Variants in MAST3 observed in about 807,000 individuals in gnomAD.
The protein encoded by MAST3 is microtubule associated serine/threonine kinase 3.
Under a neutral mutation model 127.0 loss-of-function variants are expected in MAST3, and 43 were observed. That is an observed-to-expected ratio of 0.34 (90% CI 0.27 to 0.44). The LOEUF is 0.44. MAST3 is among the 20% of genes least tolerant of loss of function. The probability of loss-of-function intolerance (pLI) is 1.00; values close to 1 mark genes in which losing one functional copy is unlikely to be tolerated. For missense variants in MAST3, 1,390 were observed against 1,919.1 expected, an observed-to-expected ratio of 0.72 and a Z score of 5.15; for synonymous variants, 785 against 809.2, an observed-to-expected ratio of 0.97 and a Z score of 0.51.
Position 18,098,268 on chromosome 19 carries a change from C to G in MAST3, c.39+437C>G, listed in dbSNP as rs765717103. Among the ~76,000 whole-genome samples, 3 of 152,270 alleles carry G rather than the reference C, an allele frequency of 2.0e-5. No homozygotes were observed. In the South Asian group the frequency reaches 6.2e-4, roughly 32 times the overall value. On this transcript the variant is annotated intron_variant, in intron 1 of 27. Transcript: ENST00000687212. The stretch of plus-strand genomic sequence containing the variant: ...GTACACCCTCAGCTCAGCCCTACGA[C>G]GACCTGGGGAGGTTGGGGCTGTCAG...
At position 18,146,933 on chromosome 19, in the gene MAST3, AG is replaced by A; in HGVS notation, c.3217del (p.Val1073TrpfsTer32). 2 of 1,558,694 alleles carry A rather than the reference AG, an allele frequency of 1.3e-6. No individual in the cohort carries two copies. Among genetic ancestry groups the A allele is most frequent in the Non-Finnish European group, 1.7e-6 (2 of 1,151,086 alleles). On this transcript the variant is annotated frameshift_variant, in exon 26 of 28. Coordinates refer to ENST00000687212, the MANE Select transcript of MAST3 (RefSeq NM_001393504.1). LOFTEE classifies it high-confidence loss of function. ...ACAGCCCTGGAGAACACCTCCATCA[AG>A]GTGGGCCCCGCCCGGAAGAATGTGG... ...RTTALENTSI[K>X]VGPARKNVAK...
intron 3 of MAST3, among the ~76,000 whole-genome samples, chr19:18,117,391 C>T (rs1333173202): frequency 1.3e-5 from 2 of 152,154 alleles, no homozygotes; most frequent in Non-Finnish European, 2.9e-5. Flanking sequence ...TGCTTCCTAA[C>T]TGAGGCAGGG....
chr19:18,144,468 G>A lies in MAST3; in HGVS notation c.2587G>A (p.Asp863Asn), dbSNP rs752931627. ...VMPKPSSLSA[D>N]TAALSHARLR... Reference sequence around the variant, plus strand: ...AGCTGACCCTGCTGACCCTCTAGCCGACACAGCTGCTCTCAGCCACGCCCG... The same window carrying A: ...AGCTGACCCTGCTGACCCTCTAGCCAACACAGCTGCTCTCAGCCACGCCCG... Residue 863 changes from aspartate to asparagine, a missense_variant and splice_region_variant, in exon 23 of 28, where the codon GAC (aspartate) becomes AAC (asparagine). Coordinates refer to ENST00000687212, the MANE Select transcript of MAST3 (RefSeq NM_001393504.1). This position sits in a 1 kb window ranked among gnomAD's most constrained non-coding sequence, Gnocchi z 4.0. 2.9e-5 allele frequency: 45 copies of A among 1,561,982 alleles called. No individual in the cohort carries two copies. The highest frequency in any genetic ancestry group is 3.8e-5 in the Admixed American group (2 of 52,180).
intron 1 of MAST3, among the ~76,000 whole-genome samples, chr19:18,102,915 C>G (rs1277166128): frequency 6.6e-6 from 1 of 152,214 alleles, no homozygotes; most frequent in African/African-American, 2.4e-5. Context: ...TGTGCTATGT[C>G]TTCTCCAAAA....
At position 18,144,615 on chromosome 19, in the gene MAST3, G is replaced by A. The variant is rs369960905; in HGVS notation, c.2734G>A (p.Gly912Ser). The A allele has an allele frequency of 3.2e-5, 52 of 1,611,528 alleles. 1 individual carries two copies. Among genetic ancestry groups the A allele is most frequent in the African/African-American group, 2.3e-4 (17 of 74,936 alleles). ...APEKSRASSS[G>S]GSGGGSGGRV... ...TGAGAAGTCCAGAGCCTCCTCCAGC[G>A]GTGGCAGTGGTGGCGGCAGTGGGGG... is the stretch of plus-strand genomic sequence containing the variant. The change falls in exon 23 of 28, where the codon GGT becomes AGT. Residue 912 changes from glycine to serine, a missense_variant. By Grantham distance (56) the Gly-to-Ser change is moderately conservative (BLOSUM62 0). Around this residue, in one of 5 missense-constraint regions of MAST3, gnomAD observed 816 missense variants for 934.1 expected, o/e 0.87. Transcript: ENST00000687212. The surrounding 1 kb of genome is among the most constrained non-coding windows in gnomAD (Gnocchi z 4.0).
rs562540301 is a variant in MAST3, at chr19:18,145,851, G to C, written c.3148G>C (p.Glu1050Gln). Reference sequence around the variant, plus strand: ...GGGGCTGGTGCACATGGACGTCGTGGAGCTGCTGCTGAAGGTGCGGCACCC... The same window carrying C: ...GGGGCTGGTGCACATGGACGTCGTGCAGCTGCTGCTGAAGGTGCGGCACCC... ...VLGLVHMDVV[E>Q]LLLKSGNKIS... The change falls in exon 25 of 28, where the codon GAG (glutamate) becomes CAG (glutamine). Residue 1050 changes from glutamate to glutamine, a missense_variant. Physicochemically the swap from Glu to Gln is conservative, Grantham distance 29. Coordinates refer to ENST00000687212, the MANE Select transcript of MAST3 (RefSeq NM_001393504.1). This position sits in a 1 kb window ranked among gnomAD's most constrained non-coding sequence, Gnocchi z 5.9. 7 of 1,596,650 alleles carry C rather than the reference G, an allele frequency of 4.4e-6. No individual in the cohort carries two copies. In the African/African-American group the frequency reaches 9.5e-5, roughly 22 times the overall value.
intron 1 of MAST3, among the ~76,000 whole-genome samples, chr19:18,103,295 T>G (rs926305063): frequency 2.0e-5 from 3 of 152,128 alleles, no homozygotes; most frequent in African/African-American, 7.2e-5. Flanking sequence ...TCCAGCGTTT[T>G]GGGAGGCCGA....
chr19:18,126,116 G>A (rs1436680621), intron 11 of MAST3, among the ~76,000 whole-genome samples: 2 of 152,096 alleles, frequency 1.3e-5, no homozygotes, highest in African/African-American at 4.8e-5. Flanking sequence ...CAGCTACTCA[G>A]GAGGCTAAGG....
Position 18,123,237 on chromosome 19 carries a change from A to T in MAST3, c.420A>T (p.Glu140Asp). The part of the protein sequence containing the change: ...STLSSSSSSR[E>D]RLHQLPFQPT... The stretch of plus-strand genomic sequence containing the variant: ...ACCAGTCAAGCTCATCCTCCCGGGA[A>T]CGTCTCCACCAGCTTCCCTTCCAGC... Residue 140 changes from glutamate to aspartate, a missense_variant, in exon 7 of 28, where the codon GAA becomes GAT. Glu to Asp is a conservative substitution (Grantham distance 45). Around this residue, in one of 5 missense-constraint regions of MAST3, gnomAD observed 45 missense variants for 113.0 expected, o/e 0.40. Transcript: ENST00000687212. The T allele has an allele frequency of 6.2e-7, 1 of 1,613,802 alleles. No homozygotes were observed. Among genetic ancestry groups the T allele is most frequent in the African/African-American group, 1.3e-5 (1 of 75,026 alleles).
intron 2 of MAST3, among the ~76,000 whole-genome samples, chr19:18,109,793 C>G (rs1021586105): frequency 5.9e-5 from 9 of 152,134 alleles, no homozygotes; most frequent in African/African-American, 1.9e-4. Flanking sequence ...TGCGGAGACC[C>G]GAGCGGGTTA....
chr19:18,128,434 G>A lies in MAST3; in HGVS notation c.1113G>A (p.Gln371=). The A allele has an allele frequency of 6.4e-7, 1 of 1,557,270 alleles. No homozygotes were observed. Among genetic ancestry groups the A allele is most frequent in the East Asian group, 2.4e-5 (1 of 41,318 alleles). Residue 371 remains glutamine, a synonymous_variant, in exon 12 of 28, where the codon CAG becomes CAA. Transcript: ENST00000687212. The part of the protein sequence containing the change: ...MVPLSHLEEE[Q]PPAPESPESR... ...CACTGAGTCACCTCGAAGAAGAACA[G>A]CCCCCAGCACCTGAGTCCCCAGAGG...
intron 20 of MAST3, among the ~76,000 whole-genome samples, chr19:18,140,247 G>A (rs1275472832): frequency 6.7e-6 from 1 of 150,230 alleles, no homozygotes; most frequent in African/African-American, 2.4e-5. Context: ...AGGCGGTGGT[G>A]GGTGCCTGTA....
intron 11 of MAST3, among the ~76,000 whole-genome samples, chr19:18,126,171 A>C (rs1424579031): frequency 1.2e-4 from 19 of 152,008 alleles, no homozygotes; most frequent in Admixed American, 7.9e-4. Flanking sequence ...GCAGTGAGCT[A>C]TGATCACACC....
At position 18,149,376 on chromosome 19, in the gene MAST3, A is replaced by G; in HGVS notation, c.3694A>G (p.Ile1232Val). The change falls in exon 28 of 28, where the codon ATC becomes GTC. Residue 1232 changes from isoleucine (I) to valine (V), a missense_variant. Transcript: ENST00000687212. This position sits in a 1 kb window ranked among gnomAD's most constrained non-coding sequence, Gnocchi z 5.9. ...IPPSPLACPPISAPPPRSPSP... is the reference protein window; with the variant it reads ...IPPSPLACPPVSAPPPRSPSP... ...GCCCTCCCCGCTGGCCTGCCCGCCC[A>G]TCTCCGCGCCCCCACCCCGCTCGCC... 2.1e-6 allele frequency: 3 copies of G among 1,451,164 alleles called. No individual in the cohort carries two copies. The highest frequency in any genetic ancestry group is 2.7e-6 in the Non-Finnish European group (3 of 1,091,892). The allele number at this position is 1,451,164 out of a possible 1,614,324, so 89.9% of individuals were successfully genotyped here.
intron 6 of MAST3, 80 bp downstream of exon 6, chr19:18,122,831 G>A: frequency 7.0e-7 from 1 of 1,426,780 alleles, no homozygotes. Flanking sequence ...TTTTTTTCAA[G>A]GTGTTGGATA....
At chr19:18,123,797 C>T (rs1314576481) in intron 8 of MAST3, 142 bp downstream of exon 8, 12 of 1,069,314 alleles carry the variant, frequency 1.1e-5, no homozygotes, top group East Asian at 2.6e-5. Context: ...TGAAAGATGT[C>T]GTTCCTCCTG....
At chr19:18,100,128 C>CTCTCTTTTTTTTTTTTT in intron 1 of MAST3, among the ~76,000 whole-genome samples, 1 of 121,720 alleles carries the variant, frequency 8.2e-6, no homozygotes, top group Non-Finnish European at 1.8e-5. Context: ...CTCTCTCTCT[C>CTCTCTTTTTTTTTTTTT]TTTTTTTTTT....
In MAST3 at chr19:18,146,884, G is replaced by T; in HGVS notation, c.3166G>T (p.Gly1056Cys). 1 of 1,552,246 alleles carries T rather than the reference G, an allele frequency of 6.4e-7. No individual in the cohort carries two copies. Among genetic ancestry groups the T allele is most frequent in the South Asian group, 1.2e-5 (1 of 84,108 alleles). Residue 1056 changes from glycine (G) to cysteine (C), a missense_variant, in exon 26 of 28, where the codon GGC becomes TGC. By Grantham distance (159) the Gly-to-Cys change is radical. This residue lies in a region of MAST3 where 816 missense variants were observed against 934.1 expected (regional missense o/e 0.87). Coordinates refer to ENST00000687212, the MANE Select transcript of MAST3 (RefSeq NM_001393504.1). ...MDVVELLLKSGNKISLRTTAL... is the reference protein window; with the variant it reads ...MDVVELLLKSCNKISLRTTAL... ...CCCCTCACCATCCCTCCCGCAGAGC[G>T]GCAACAAGATATCCCTGCGGACCAC...
At chr19:18,118,343 A>T (rs1339165238) in intron 3 of MAST3, 1 of 767,718 alleles carries the variant, frequency 1.3e-6, no homozygotes, top group Non-Finnish European at 1.6e-6. Flanking sequence ...GGCGCGGACC[A>T]CGGCGAGCGT....
Sources: gnomAD v4.1 joint callset for allele counts (sites outside exome capture counted in the v4.1 genomes callset) on GRCh38, gnomAD v4.1.1 for gene constraint, gnomAD v4.1.1 regional missense constraint, Gnocchi (gnomAD v3.1) non-coding constraint, MANE v1.5 for transcripts, NCBI Gene and HGNC (gene_info 2026-07-23, HGNC 2026-07-21) for gene names.